Variants in CDC42EP1 observed in about 807,000 individuals in gnomAD.
CDC42EP1 encodes the protein CDC42 effector protein 1.
CDC42EP1 carries 6 observed loss-of-function variants against 7.4 expected under a neutral mutation model. The observed-to-expected ratio is 0.81, with a 90% confidence interval of 0.44 to 1.60. The LOEUF is 1.60. CDC42EP1 is among the 40% of genes most tolerant of loss of function. CDC42EP1 has a pLI of 0.01. For missense variants in CDC42EP1, 567 were observed against 539.0 expected (o/e 1.05, Z -0.51); for synonymous variants, 238 against 227.1 (o/e 1.05, Z -0.43).
At chr22:37,561,399 G>A (rs1925035394) in intron 1 of CDC42EP1, among the ~76,000 whole-genome samples, 1 of 152,220 alleles carries the variant, frequency 6.6e-6, no homozygotes, top group Non-Finnish European at 1.5e-5. Flanking sequence ...GCTCGGTCCC[G>A]GGCTGGTTCG....
At chr22:37,564,252 A>G (rs1244098297) in intron 1 of CDC42EP1, among the ~76,000 whole-genome samples, 14 of 150,812 alleles carry the variant, frequency 9.3e-5, no homozygotes, top group East Asian at 5.9e-4. Context: ...GTGTGTGTGT[A>G]TGGTGGGGGT....
chr22:37,565,567 G>GTTTTTTTTT (rs10588992), intron 1 of CDC42EP1: 1 of 80,920 alleles, frequency 1.2e-5, no homozygotes, highest in Non-Finnish European at 2.3e-5. Flanking sequence ...GAACTTCCTT[G>GTTTTTTTTT]TTTTTTTTTT....
chr22:37,567,956 G>A (rs887425626), intron 2 of CDC42EP1, 152 bp from the exon 3 acceptor site: 1 of 662,944 alleles, frequency 1.5e-6, no homozygotes, highest in African/African-American at 1.8e-5. Flanking sequence ...TGACCATGGA[G>A]TGTATTCTAT....
At chr22:37,561,776 G>T (rs1023197017) in intron 1 of CDC42EP1, among the ~76,000 whole-genome samples, 16 of 152,184 alleles carry the variant, frequency 1.1e-4, no homozygotes, top group Non-Finnish European at 1.9e-4. Context: ...AGGATGAGAC[G>T]TGGGCCCCTG....
intron 1 of CDC42EP1, among the ~76,000 whole-genome samples, chr22:37,561,683 C>T (rs752884196): frequency 4.4e-5 from 6 of 137,034 alleles, no homozygotes; most frequent in Non-Finnish European, 9.3e-5. Context: ...ATGACAGGGA[C>T]CCGCTGTCCA....
intron 1 of CDC42EP1, among the ~76,000 whole-genome samples, chr22:37,563,448 T>A (rs1336341219): frequency 6.6e-6 from 1 of 151,818 alleles, no homozygotes; most frequent in Non-Finnish European, 1.5e-5. Context: ...CCACGAGGAC[T>A]TCTCGGTGCC....
rs1458091069 is a variant in CDC42EP1 at position 37,566,271 on chromosome 22, C to A, written c.-79C>A. On this transcript the variant is annotated 5_prime_UTR_variant, in exon 2 of 3. Coordinates refer to ENST00000249014, the MANE Select transcript of CDC42EP1 (RefSeq NM_152243.3). This position sits in a 1 kb window ranked among gnomAD's most constrained non-coding sequence, Gnocchi z 6.4. ...CTTCCGCCAGGGCAAAGGAGCTGAG[C>A]AGCCATCCCAAGCCCAGCCCACCTC... 1 of 813,804 alleles carries A rather than the reference C, an allele frequency of 1.2e-6. No homozygotes were observed. The highest frequency in any genetic ancestry group is 3.0e-5 in the Admixed American group (1 of 33,282). 50.4% of individuals were successfully genotyped at this position (813,804 alleles called of 1,614,324 possible). A position where few individuals can be genotyped will look rare whatever the true frequency, so the allele number is the denominator to read the frequency against.
Position 37,569,222 on chromosome 22 carries a change from C to T in CDC42EP1, c.*402C>T, listed in dbSNP as rs1053682442. 3.7e-4 allele frequency: 59 copies of T among 161,066 alleles called. No homozygotes were observed. The highest frequency in any genetic ancestry group is 1.3e-3 in the African/African-American group (53 of 41,902). The allele number at this position is 161,066 out of a possible 1,614,324, so 10.0% of individuals were successfully genotyped here. On this transcript the variant is annotated 3_prime_UTR_variant, in exon 3 of 3. Coordinates refer to ENST00000249014, the MANE Select transcript of CDC42EP1 (RefSeq NM_152243.3). ...CCAAAGGGACCGCCTGCCCCCAGCT[C>T]ATCCCAGAGCGTCCCTGCTGCAACC...
rs551899379 is a variant in CDC42EP1 at position 37,562,403 on chromosome 22, T to C, written c.-279+1815T>C. Among the ~76,000 whole-genome samples, 3 of 152,336 alleles carry C rather than the reference T, an allele frequency of 2.0e-5. No individual in the cohort carries two copies. In the East Asian group the frequency reaches 5.8e-4, roughly 29 times the overall value. Reference sequence around the variant, plus strand: ...CCTGATGGCCAGCAGTGCCCTGTGGTTGGCAGCAAGTGCCACGTGGCTGCC... The same window carrying C: ...CCTGATGGCCAGCAGTGCCCTGTGGCTGGCAGCAAGTGCCACGTGGCTGCC... On this transcript the variant is annotated intron_variant, in intron 1 of 2. Coordinates refer to ENST00000249014, the MANE Select transcript of CDC42EP1 (RefSeq NM_152243.3).
At chr22:37,561,309 AG>A (rs1336474230) in intron 1 of CDC42EP1, among the ~76,000 whole-genome samples, 6 of 152,188 alleles carry the variant, frequency 3.9e-5, no homozygotes, top group Admixed American at 6.5e-5. Context: ...CTTAGAGAGT[AG>A]GGGGGACTGG....
At chr22:37,561,126 C>T (rs977428538) in intron 1 of CDC42EP1, among the ~76,000 whole-genome samples, 2 of 152,168 alleles carry the variant, frequency 1.3e-5, no homozygotes, top group Non-Finnish European at 1.5e-5. Context: ...TCGTCCCCTT[C>T]CCCCGCGGAG....
intron 1 of CDC42EP1, among the ~76,000 whole-genome samples, chr22:37,560,995 G>A (rs576967007): frequency 4.6e-5 from 7 of 151,994 alleles, no homozygotes; most frequent in African/African-American, 1.4e-4. Flanking sequence ...AGCGGGAAGT[G>A]GGGGGTGGGG....
At chr22:37,563,465 G>A (rs1414543959) in intron 1 of CDC42EP1, among the ~76,000 whole-genome samples, 1 of 152,128 alleles carries the variant, frequency 6.6e-6, no homozygotes, top group Non-Finnish European at 1.5e-5. Flanking sequence ...TGCCGGGGGT[G>A]CCAGGGAGGG....
chr22:37,563,208 C>T (rs1925110061), intron 1 of CDC42EP1, among the ~76,000 whole-genome samples: 2 of 152,180 alleles, frequency 1.3e-5, no homozygotes, highest in African/African-American at 4.8e-5. Flanking sequence ...GAACACCCTT[C>T]CCGCTCCCAT....
chr22:37,565,276 C>T lies in CDC42EP1; in HGVS notation c.-278-796C>T, dbSNP rs545280958. ...AATCATGGCTCATTGCAGCCTTGAC[C>T]TCCTAGGCTCAAAGGATCCTCCCTT... On this transcript the variant is annotated intron_variant, in intron 1 of 2. Transcript: ENST00000249014. Among the ~76,000 whole-genome samples the T allele has an allele frequency of 1.1e-3, 165 of 148,532 alleles. 2 individuals are homozygous for T. The South Asian group carries it at 0.012, about 10-fold the overall frequency.
At chr22:37,567,465 G>A (rs910717828) in intron 2 of CDC42EP1, among the ~76,000 whole-genome samples, 1 of 152,166 alleles carries the variant, frequency 6.6e-6, no homozygotes, top group Non-Finnish European at 1.5e-5. Context: ...GAGCTCACCT[G>A]AGAACCATGG....
chr22:37,562,018 A>G (rs1925061246), intron 1 of CDC42EP1, among the ~76,000 whole-genome samples: 1 of 152,178 alleles, frequency 6.6e-6, no homozygotes, highest in African/African-American at 2.4e-5. Context: ...TAAGGACTCC[A>G]AGGACACTGA....
chr22:37,566,554 G>A lies in CDC42EP1; in HGVS notation c.205G>A (p.Gly69Ser). The change falls in exon 2 of 3, where the codon GGC (glycine) becomes AGC (serine). Residue 69 changes from glycine (G) to serine (S), a missense_variant. By Grantham distance (56) the Gly-to-Ser change is moderately conservative. Coordinates refer to ENST00000249014, the MANE Select transcript of CDC42EP1 (RefSeq NM_152243.3). The surrounding 1 kb of genome is among the most constrained non-coding windows in gnomAD (Gnocchi z 6.4). Reference sequence around the variant, plus strand: ...CACGTCCTTCCTCAGCAACCACGGTGGCAGCTCCGGGAGCACCCATCGCTC... The same window carrying A: ...CACGTCCTTCCTCAGCAACCACGGTAGCAGCTCCGGGAGCACCCATCGCTC... ...GDTSFLSNHG[G>S]SSGSTHRSPR... 1.2e-6 allele frequency: 2 copies of A among 1,608,148 alleles called. No homozygotes were observed. The highest frequency in any genetic ancestry group is 1.7e-6 in the Non-Finnish European group (2 of 1,175,722).
intron 2 of CDC42EP1, among the ~76,000 whole-genome samples, chr22:37,567,714 T>A (rs1925295834): frequency 6.6e-6 from 1 of 152,218 alleles, no homozygotes; most frequent in Non-Finnish European, 1.5e-5. Flanking sequence ...TGGGTTCACC[T>A]GCAGCCATCG....
Sources: allele counts gnomAD v4.1 joint callset (sites outside exome capture counted in the v4.1 genomes callset), GRCh38; gene constraint gnomAD v4.1.1; non-coding constraint Gnocchi (gnomAD v3.1); transcripts MANE v1.5; gene names NCBI Gene and HGNC (gene_info 2026-07-23, HGNC 2026-07-21).